GCNT1: variants seen among roughly 807,000 people sequenced by gnomAD.
The protein encoded by GCNT1 is beta-1,3-galactosyl-O-glycosyl-glycoprotein beta-1,6-N-acetylglucosaminyltransferase.
A neutral mutation model predicts 26.2 loss-of-function variants in GCNT1; 16 were observed. That is an observed-to-expected ratio of 0.61 (90% CI 0.41 to 0.93). The LOEUF (loss-of-function observed/expected upper bound fraction) is 0.93. Ranked by LOEUF, GCNT1 falls within the 40% of genes least tolerant of loss-of-function variation. The probability of loss-of-function intolerance (pLI) is 0.00; values close to 1 mark genes in which losing one functional copy is unlikely to be tolerated. For missense variants in GCNT1, 477 were observed against 526.7 expected (o/e 0.91, Z 0.92); for synonymous variants, 183 against 190.8 (o/e 0.96, Z 0.34).
At chr9:76,424,083 T>C (rs1391133647) in intron 1 of GCNT1, among the ~76,000 whole-genome samples, 2 of 152,250 alleles carry the variant, frequency 1.3e-5, no homozygotes, top group Non-Finnish European at 2.9e-5. Context: ...ACTGTGATGT[T>C]GCTAAGAAGC....
Position 76,504,635 on chromosome 9 carries a change from C to T in GCNT1, c.*967C>T, listed in dbSNP as rs1825187493. 1 of 412,206 alleles carries T rather than the reference C, an allele frequency of 2.4e-6. No individual in the cohort carries two copies. The highest frequency in any genetic ancestry group is 4.4e-6 in the Non-Finnish European group (1 of 225,924). 25.5% of individuals were successfully genotyped at this position (412,206 alleles called of 1,614,324 possible). ...AATGTATTTAAACAATTTCCGATGCCCATGATGAGTTTAAAAACCAGCATT... is the reference window on the plus strand; with the variant it reads ...AATGTATTTAAACAATTTCCGATGCTCATGATGAGTTTAAAAACCAGCATT... On this transcript the variant is annotated 3_prime_UTR_variant, in exon 4 of 4. Transcript: ENST00000376730.
chr9:76,448,795 T>C (rs1458757295), intron 1 of GCNT1, among the ~76,000 whole-genome samples: 1 of 152,204 alleles, frequency 6.6e-6, no homozygotes, highest in African/African-American at 2.4e-5. Context: ...TGTGAATCAA[T>C]TTTGCTTTCT....
At chr9:76,422,897 C>T (rs1485401494) in intron 1 of GCNT1, among the ~76,000 whole-genome samples, 1 of 152,156 alleles carries the variant, frequency 6.6e-6, no homozygotes, top group African/African-American at 2.4e-5. Context: ...CAATAAATTA[C>T]ATGAGATATT....
chr9:76,438,446 G>A (rs1465519182), upstream of GCNT1, among the ~76,000 whole-genome samples: 1 of 152,206 alleles, frequency 6.6e-6, no homozygotes, highest in Admixed American at 6.5e-5. Flanking sequence ...ACTTTGTAGA[G>A]AGTAGACTGT....
chr9:76,481,683 T>C (rs745376512), intron 2 of GCNT1, among the ~76,000 whole-genome samples: 27 of 152,268 alleles, frequency 1.8e-4, no homozygotes, highest in African/African-American at 6.3e-4. Flanking sequence ...AAAGAAGATA[T>C]TTCCACAAGC....
At chr9:76,394,059 GC>G in the GCNT1 span, 1 of 1,563,260 alleles carries the variant, frequency 6.4e-7, no homozygotes, top group Non-Finnish European at 8.7e-7. Context: ...ACGTGACCCG[GC>G]CCGGGGGACT....
intron 2 of GCNT1, among the ~76,000 whole-genome samples, chr9:76,468,237 T>G (rs1320699840): frequency 6.6e-6 from 1 of 152,178 alleles, no homozygotes; most frequent in Non-Finnish European, 1.5e-5. Context: ...ATGTGGTTTC[T>G]AAGGTGGATA....
intron 2 of GCNT1, among the ~76,000 whole-genome samples, chr9:76,470,753 T>G (rs947648593): frequency 3.9e-5 from 6 of 152,186 alleles, no homozygotes; most frequent in Admixed American, 2.6e-4. Flanking sequence ...TATATACAAT[T>G]ATTATTTGTC....
intron 1 of GCNT1, among the ~76,000 whole-genome samples, chr9:76,451,663 G>A (rs1025983646): frequency 1.3e-5 from 2 of 152,104 alleles, no homozygotes; most frequent in Admixed American, 1.3e-4. Flanking sequence ...AAGGAGAGAG[G>A]CCTCAGAAAA....
chr9:76,482,647 C>CT (rs1412850440), intron 2 of GCNT1, among the ~76,000 whole-genome samples: 2 of 151,634 alleles, frequency 1.3e-5, no homozygotes, highest in Non-Finnish European at 2.9e-5. Context: ...CTGGTAAAAT[C>CT]TTTTTTTATC....
chr9:76,505,053 T>C lies in GCNT1; in HGVS notation c.*1385T>C, dbSNP rs1825201811. On this transcript the variant is annotated 3_prime_UTR_variant, in exon 4 of 4. Transcript: ENST00000376730. ...TTCAAATCTTAAAAAGAAATTCTCG[T>C]ACTTTTGCCATGTTGATACTGTTCA... is the stretch of plus-strand genomic sequence containing the variant. 2 of 412,458 alleles carry C rather than the reference T, an allele frequency of 4.8e-6. No individual in the cohort carries two copies. Among genetic ancestry groups the C allele is most frequent in the African/African-American group, 4.1e-5 (2 of 48,630 alleles). 25.5% of individuals were successfully genotyped at this position (412,458 alleles called of 1,614,324 possible).
the GCNT1 span, among the ~76,000 whole-genome samples, chr9:76,407,724 A>C: frequency 0.016 from 2,498 of 152,292 alleles, 68 homozygotes; most frequent in African/African-American, 0.056. Context: ...ACATCTTAAC[A>C]ATATTGAATT....
At chr9:76,400,354 C>G in the GCNT1 span, among the ~76,000 whole-genome samples, 1 of 152,182 alleles carries the variant, frequency 6.6e-6, no homozygotes, top group African/African-American at 2.4e-5. Context: ...ATTTTTACCC[C>G]TCCTCCCACT....
chr9:76,431,358 G>A (rs1365786400), intron 1 of GCNT1, among the ~76,000 whole-genome samples: 2 of 152,124 alleles, frequency 1.3e-5, no homozygotes, highest in Non-Finnish European at 2.9e-5. Context: ...AGATTTGGGG[G>A]TCCCATGATC....
At chr9:76,426,923 C>T (rs1483169100) in intron 1 of GCNT1, among the ~76,000 whole-genome samples, 1 of 152,048 alleles carries the variant, frequency 6.6e-6, no homozygotes, top group African/African-American at 2.4e-5. Flanking sequence ...AAAAACAAAA[C>T]AAAACAAGAA....
chr9:76,464,152 A>G (rs553382729), intron 2 of GCNT1, among the ~76,000 whole-genome samples: 2 of 151,968 alleles, frequency 1.3e-5, no homozygotes, highest in South Asian at 2.1e-4. Context: ...GATCAAGAGT[A>G]AAATATGTCT....
the GCNT1 span, among the ~76,000 whole-genome samples, chr9:76,410,986 G>A: frequency 6.6e-6 from 1 of 152,088 alleles, no homozygotes; most frequent in African/African-American, 2.4e-5. Flanking sequence ...TGTCTGCTCT[G>A]TTAGAAATAA....
chr9:76,475,145 C>T (rs1824224412), intron 2 of GCNT1, among the ~76,000 whole-genome samples: 1 of 152,194 alleles, frequency 6.6e-6, no homozygotes, highest in Non-Finnish European at 1.5e-5. Flanking sequence ...CTTTTCATGT[C>T]ATTACAATGA....
the GCNT1 span, among the ~76,000 whole-genome samples, chr9:76,402,535 CAG>C: frequency 1.3e-5 from 2 of 152,130 alleles, no homozygotes; most frequent in Admixed American, 1.3e-4. Context: ...CAAAAGAAAA[CAG>C]AGAGTCTACA....
Sources: allele counts gnomAD v4.1 joint callset (sites outside exome capture counted in the v4.1 genomes callset), GRCh38; gene constraint gnomAD v4.1.1; transcripts MANE v1.5; gene names NCBI Gene and HGNC (gene_info 2026-07-23, HGNC 2026-07-21).